Variants in SNX5 observed in about 807,000 individuals in gnomAD.
SNX5 encodes sorting nexin-5.
SNX5 carries 31 observed loss-of-function variants against 53.9 expected under a neutral mutation model. The observed-to-expected ratio is 0.58, with a 90% CI of 0.43 to 0.78. The LOEUF (loss-of-function observed/expected upper bound fraction) is 0.78, where lower values mean the gene tolerates loss of function less well. Among genes scored for constraint, SNX5 ranks in the 30% least tolerant of loss-of-function variants. The probability of loss-of-function intolerance (pLI) is 0.00; values close to 1 mark genes in which losing one functional copy is unlikely to be tolerated. For missense variants in SNX5, 471 were observed against 478.8 expected, an observed-to-expected ratio of 0.98 and a Z score of 0.15; for synonymous variants, 168 against 171.1, an observed-to-expected ratio of 0.98 and a Z score of 0.14.
At chr20:17,952,489 A>G (rs2039584351) in intron 5 of SNX5, 98 bp downstream of exon 5, 2 of 1,227,680 alleles carry the variant, frequency 1.6e-6, no homozygotes, top group Admixed American at 5.1e-5. Context: ...TCCATTGTGT[A>G]AGAAATTCAA....
rs1196691857 is a variant in SNX5, at chr20:17,968,388, T to A, written c.38A>T (p.Glu13Val). ...GGAGGACCTCACCTTGCTGCGGTCC[T>A]CCTCCTGCTGCTGCAGCAACTCGGG... ...AVPELLQQQE[E>V]DRSKLRSVSV... The change falls in exon 1 of 13, where the codon GAG (glutamate) becomes GTG (valine). Residue 13 changes from glutamate to valine, a missense_variant. Coordinates refer to ENST00000377759, the MANE Select transcript of SNX5 (RefSeq NM_014426.4). 2.3e-6 allele frequency: 3 copies of A among 1,284,030 alleles called. No individual in the cohort carries two copies. The highest frequency in any genetic ancestry group is 3.1e-5 in the East Asian group (1 of 31,930). The allele number at this position is 1,284,030 out of a possible 1,614,324, so 79.5% of individuals were successfully genotyped here. A position where few individuals can be genotyped will look rare whatever the true frequency, so the allele number is the denominator to read the frequency against.
Position 17,950,140 on chromosome 20 carries a change from G to T in SNX5, c.783C>A (p.Val261=). The change falls in exon 8 of 13, where the codon GTC becomes GTA. Residue 261 remains valine (V), a synonymous_variant. Coordinates refer to ENST00000377759, the MANE Select transcript of SNX5 (RefSeq NM_014426.4). ...LHSLALEEPT[V]IKKYLLKVAE... The stretch of plus-strand genomic sequence containing the variant: ...TTTCCAAAAAAACTTACTTTTTGAT[G>T]ACTGTGGGCTCTTCTAAAGCCAGGC... The T allele has an allele frequency of 6.2e-7, 1 of 1,614,030 alleles. No individual in the cohort carries two copies. The highest frequency in any genetic ancestry group is 1.1e-5 in the South Asian group (1 of 91,040).
At chr20:17,947,666 T>C in intron 10 of SNX5, 21 bp from the exon 11 acceptor site, 1 of 1,602,246 alleles carries the variant, frequency 6.2e-7, no homozygotes. Context: ...AATTAACAGG[T>C]ATACATACTA....
At chr20:17,960,862 T>TA (rs1568596463) in intron 1 of SNX5, among the ~76,000 whole-genome samples, 1 of 152,118 alleles carries the variant, frequency 6.6e-6, no homozygotes, top group Non-Finnish European at 1.5e-5. Flanking sequence ...TCAGAATTTT[T>TA]AAAAAATTTT....
chr20:17,968,564 A>G lies in SNX5; in HGVS notation c.-139T>C. 1 of 767,156 alleles carries G rather than the reference A, an allele frequency of 1.3e-6. No individual in the cohort carries two copies. Among genetic ancestry groups the G allele is most frequent in the Non-Finnish European group, 2.0e-6 (1 of 494,582 alleles). The allele number at this position is 767,156 out of a possible 1,614,324, so 47.5% of individuals were successfully genotyped here. A position where few individuals can be genotyped will look rare whatever the true frequency, so the allele number is the denominator to read the frequency against. On this transcript the variant is annotated 5_prime_UTR_variant, in exon 1 of 13. Coordinates refer to ENST00000377759, the MANE Select transcript of SNX5 (RefSeq NM_014426.4). ...GGCCTCCCTGCCCGACGGCGGCAGG[A>G]GGCCTCCGGACTCCGCCACCATCCC...
intron 1 of SNX5, chr20:17,961,749 G>C (rs1346007144): frequency 1.0e-6 from 1 of 985,108 alleles, no homozygotes; most frequent in Non-Finnish European, 1.2e-6. Flanking sequence ...ATTTTGTTTT[G>C]TTATGTTTCA....
intron 1 of SNX5, chr20:17,961,932 G>A: frequency 1.0e-6 from 1 of 983,180 alleles, no homozygotes; most frequent in South Asian, 4.7e-5. Flanking sequence ...AAAATTCAAA[G>A]ATGTTCTGTC....
chr20:17,946,289 AC>A (rs1337580755), intron 11 of SNX5, among the ~76,000 whole-genome samples: 1 of 152,206 alleles, frequency 6.6e-6, no homozygotes, highest in African/African-American at 2.4e-5. Context: ...AAGCAGAGAT[AC>A]CCCGAAACGA....
Position 17,950,121 on chromosome 20 carries a change from A to T in SNX5, c.791+11T>A. 1 of 1,613,890 alleles carries T rather than the reference A, an allele frequency of 6.2e-7. No homozygotes were observed. Among genetic ancestry groups the T allele is most frequent in the Non-Finnish European group, 8.5e-7 (1 of 1,179,744 alleles). Reference sequence around the variant, plus strand: ...TTGGGTTAGGGGAAATGCTTTTCCAAAAAAACTTACTTTTTGATGACTGTG... The same window carrying T: ...TTGGGTTAGGGGAAATGCTTTTCCATAAAAACTTACTTTTTGATGACTGTG... On this transcript the variant is annotated intron_variant, in intron 8 of 12. Coordinates refer to ENST00000377759, the MANE Select transcript of SNX5 (RefSeq NM_014426.4).
At chr20:17,965,721 A>G (rs2035526392) in intron 1 of SNX5, among the ~76,000 whole-genome samples, 1 of 152,000 alleles carries the variant, frequency 6.6e-6, no homozygotes, top group Non-Finnish European at 1.5e-5. Context: ...TGGCCAAAAT[A>G]ATGTGAACAG....
At chr20:17,961,117 G>C (rs1021504145) in intron 1 of SNX5, 4 of 984,962 alleles carry the variant, frequency 4.1e-6, no homozygotes, top group African/African-American at 1.7e-5. Flanking sequence ...AAGTAGTTAC[G>C]GAATCCCTGT....
At position 17,951,653 on chromosome 20, in the gene SNX5, A is replaced by C. The variant is rs1213974844; in HGVS notation, c.514-58T>G. On this transcript the variant is annotated intron_variant, in intron 5 of 12. Transcript: ENST00000377759. Reference sequence around the variant, plus strand: ...GTATGGATTTTTCTAGATTCTCTTAAAGAAGTTCTGAGTAACATTTTAAGT... The same window carrying C: ...GTATGGATTTTTCTAGATTCTCTTACAGAAGTTCTGAGTAACATTTTAAGT... 4.2e-6 allele frequency: 5 copies of C among 1,187,522 alleles called. No individual in the cohort carries two copies. In the African/African-American group the frequency reaches 7.5e-5, roughly 18 times the overall value. The allele number at this position is 1,187,522 out of a possible 1,614,324, so 73.6% of individuals were successfully genotyped here. A position where few individuals can be genotyped will look rare whatever the true frequency, so the allele number is the denominator to read the frequency against.
At position 17,953,647 on chromosome 20, in the gene SNX5, C is replaced by A. The variant is rs116875172; in HGVS notation, c.389+349G>T. Among the ~76,000 whole-genome samples, 58 of 152,306 alleles carry A rather than the reference C, an allele frequency of 3.8e-4. 1 individual carries two copies. In the East Asian group the frequency reaches 0.011, roughly 29 times the overall value. ...TTCTTCTCAACGTCTAGTAACCAAG[C>A]TTCCGAAAGAAAAGCTTTGTACATT... On this transcript the variant is annotated intron_variant, in intron 4 of 12. Transcript: ENST00000377759.
At chr20:17,949,988 T>A (rs970999825) in intron 8 of SNX5, 144 bp downstream of exon 8, 1 of 649,630 alleles carries the variant, frequency 1.5e-6, no homozygotes, top group South Asian at 2.0e-5. Context: ...CCAGAGAACA[T>A]GTAAGATGAG....
intron 5 of SNX5, among the ~76,000 whole-genome samples, chr20:17,951,906 GT>G (rs2039574778): frequency 6.6e-6 from 1 of 152,148 alleles, no homozygotes; most frequent in Non-Finnish European, 1.5e-5. Context: ...ACCAAAACAT[GT>G]TAAAAAGAAA....
chr20:17,953,322 A>T (rs183274366), intron 4 of SNX5, among the ~76,000 whole-genome samples: 1 of 152,360 alleles, frequency 6.6e-6, no homozygotes, highest in Admixed American at 6.5e-5. Flanking sequence ...TTTTCAGCTA[A>T]GATGAGGAAA....
At chr20:17,947,196 T>A (rs1600333620) in intron 11 of SNX5, 1 of 331,292 alleles carries the variant, frequency 3.0e-6, no homozygotes, top group African/African-American at 2.2e-5. Context: ...ACTGTAACCA[T>A]ACAAGAGAAT....
rs2039421590 is a variant in SNX5, at chr20:17,941,853, T to C, written c.*504A>G. ...GAGTATATAAAGATAAATGAGATTT[T>C]CTTGCTGTTGTTATAGTACAAACAC... On this transcript the variant is annotated 3_prime_UTR_variant, in exon 13 of 13. Transcript: ENST00000377759. 6.5e-6 allele frequency: 1 copy of C among 153,310 alleles called. No homozygotes were observed. Among genetic ancestry groups the C allele is most frequent in the Non-Finnish European group, 1.5e-5 (1 of 68,866 alleles). 9.5% of individuals were successfully genotyped at this position (153,310 alleles called of 1,614,324 possible). A position where few individuals can be genotyped will look rare whatever the true frequency, so the allele number is the denominator to read the frequency against.
At chr20:17,957,634 T>C (rs2035384099) in intron 1 of SNX5, among the ~76,000 whole-genome samples, 1 of 152,138 alleles carries the variant, frequency 6.6e-6, no homozygotes, top group Non-Finnish European at 1.5e-5. Flanking sequence ...CACTAAGGCC[T>C]GAACTAAATA....
Sources: allele counts gnomAD v4.1 joint callset (sites outside exome capture counted in the v4.1 genomes callset), GRCh38; gene constraint gnomAD v4.1.1; transcripts MANE v1.5; gene names NCBI Gene and HGNC (gene_info 2026-07-23, HGNC 2026-07-21).